Variants in SUPT3H observed in about 807,000 individuals in gnomAD.
The protein encoded by SUPT3H is SPT3 homolog, SAGA and STAGA complex component.
Under a neutral mutation model 44.3 loss-of-function variants are expected in SUPT3H, and 44 were observed. The ratio of observed to expected loss-of-function variants is 0.99; its 90% confidence interval spans 0.78 to 1.28. The LOEUF (loss-of-function observed/expected upper bound fraction) is 1.28. SUPT3H is among the 50% of genes most tolerant of loss of function. SUPT3H has a pLI of 0.00. For missense variants in SUPT3H, 380 were observed against 387.1 expected, an observed-to-expected ratio of 0.98 and a Z score of 0.15; for synonymous variants, 124 against 125.6, an observed-to-expected ratio of 0.99 and a Z score of 0.09.
chr6:44,955,591 C>G (rs1434907791), intron 7 of SUPT3H: 1 of 152,428 alleles, frequency 6.6e-6, no homozygotes, highest in East Asian at 1.9e-4. Flanking sequence ...CAAGAAGAGT[C>G]TGAGCTCAGA....
At chr6:44,883,142 A>G (rs745566127) in intron 10 of SUPT3H, among the ~76,000 whole-genome samples, 36 of 152,202 alleles carry the variant, frequency 2.4e-4, no homozygotes, top group Non-Finnish European at 4.4e-4. Context: ...AAACTCAATC[A>G]TCTCAGCCCA....
At chr6:45,356,576 T>C (rs1391618869) in intron 2 of SUPT3H, among the ~76,000 whole-genome samples, 1 of 152,066 alleles carries the variant, frequency 6.6e-6, no homozygotes, top group Non-Finnish European at 1.5e-5. Context: ...GTTTATTTTT[T>C]TTTTAGTAGA....
intron 2 of SUPT3H, among the ~76,000 whole-genome samples, chr6:45,111,341 T>G (rs1250608008): frequency 6.6e-6 from 1 of 152,148 alleles, no homozygotes; most frequent in Non-Finnish European, 1.5e-5. Flanking sequence ...AAAATGGTAT[T>G]TTTAAAAATA....
At chr6:44,960,347 G>C (rs1775834191) in intron 7 of SUPT3H, among the ~76,000 whole-genome samples, 1 of 148,738 alleles carries the variant, frequency 6.7e-6, no homozygotes, top group South Asian at 2.1e-4. Context: ...GGAGGAGGAG[G>C]AGGAGGAGGC....
chr6:44,856,630 A>T (rs1184233778), intron 10 of SUPT3H, among the ~76,000 whole-genome samples: 9 of 152,148 alleles, frequency 5.9e-5, no homozygotes. Context: ...CTATATTTCA[A>T]ATACTCACAT....
chr6:45,190,089 A>G (rs1164389154), intron 2 of SUPT3H, among the ~76,000 whole-genome samples: 2 of 152,186 alleles, frequency 1.3e-5, no homozygotes, highest in African/African-American at 4.8e-5. Flanking sequence ...CCATTGTCAA[A>G]GACTTCAACT....
chr6:45,213,990 G>A (rs1339593078), intron 2 of SUPT3H, among the ~76,000 whole-genome samples: 1 of 79,850 alleles, frequency 1.3e-5, no homozygotes, highest in African/African-American at 5.1e-5. Context: ...AATAACACTC[G>A]AAAGCCTTTT....
intron 2 of SUPT3H, among the ~76,000 whole-genome samples, chr6:45,179,852 G>A (rs1432182589): frequency 6.6e-6 from 1 of 152,172 alleles, no homozygotes; most frequent in Non-Finnish European, 1.5e-5. Context: ...TCAACATAGT[G>A]ATGGAAGTTC....
chr6:44,855,606 G>A (rs1479229103), intron 10 of SUPT3H, among the ~76,000 whole-genome samples: 1 of 151,970 alleles, frequency 6.6e-6, no homozygotes, highest in African/African-American at 2.4e-5. Context: ...ATACAGCAAA[G>A]ACTACACAAA....
chr6:44,853,497 C>CA (rs964921065), intron 10 of SUPT3H, among the ~76,000 whole-genome samples: 8 of 151,784 alleles, frequency 5.3e-5, no homozygotes, highest in African/African-American at 1.9e-4. Context: ...CCAACTCTAT[C>CA]AAAAATAAAA....
At chr6:44,961,554 T>G (rs2153477694) in intron 7 of SUPT3H, among the ~76,000 whole-genome samples, 199 bp downstream of exon 7, 1 of 152,296 alleles carries the variant, frequency 6.6e-6, no homozygotes, top group Admixed American at 6.5e-5. Flanking sequence ...GACCTCTTAA[T>G]GTTATTAACT....
chr6:45,013,003 T>C (rs970277447), intron 5 of SUPT3H, among the ~76,000 whole-genome samples: 1 of 152,094 alleles, frequency 6.6e-6, no homozygotes, highest in Non-Finnish European at 1.5e-5. Context: ...GATCTCCCTA[T>C]TAAGTTTCTG....
intron 10 of SUPT3H, among the ~76,000 whole-genome samples, chr6:44,869,957 C>G (rs1410362022): frequency 6.6e-6 from 1 of 152,180 alleles, no homozygotes; most frequent in African/African-American, 2.4e-5. Context: ...TCTAAATTTA[C>G]AAAGCAAAAG....
chr6:45,112,499 T>C (rs989445147), intron 2 of SUPT3H, among the ~76,000 whole-genome samples: 1 of 152,056 alleles, frequency 6.6e-6, no homozygotes, highest in Non-Finnish European at 1.5e-5. Context: ...TAACTTTGAG[T>C]CTAAAATACT....
At chr6:44,859,779 G>T (rs1319343836) in intron 10 of SUPT3H, among the ~76,000 whole-genome samples, 1 of 152,070 alleles carries the variant, frequency 6.6e-6, no homozygotes, top group East Asian at 1.9e-4. Flanking sequence ...AATTTTGCTG[G>T]TTATTAAAAC....
intron 2 of SUPT3H, among the ~76,000 whole-genome samples, chr6:45,185,146 G>T (rs1813972589): frequency 6.6e-6 from 1 of 152,110 alleles, no homozygotes; most frequent in African/African-American, 2.4e-5. Flanking sequence ...CAACTGATTA[G>T]TGTCTACAGG....
intron 7 of SUPT3H, among the ~76,000 whole-genome samples, chr6:44,956,480 AAAATAAAAAAAAAAAATAAAAAT>A (rs1195451769): frequency 0.23 from 1,760 of 7,602 alleles, 160 homozygotes; most frequent in East Asian, 0.39. Flanking sequence ...CAAAAAAAAA[AAAATAAAAAAAAAAAATAAAAAT>A]AAAAAAAAAA....
At chr6:45,102,867 A>G (rs1443217415) in intron 3 of SUPT3H, among the ~76,000 whole-genome samples, 2 of 151,908 alleles carry the variant, frequency 1.3e-5, no homozygotes, top group African/African-American at 4.8e-5. Context: ...TGAACCCAGG[A>G]GTTGGAGATT....
At chr6:45,046,777 C>T (rs1789464049) in intron 3 of SUPT3H, among the ~76,000 whole-genome samples, 1 of 152,124 alleles carries the variant, frequency 6.6e-6, no homozygotes, top group Admixed American at 6.5e-5. Context: ...GCCTGCTGGC[C>T]TTTTAATAGA....
Sources: gnomAD v4.1 joint callset for allele counts (sites outside exome capture counted in the v4.1 genomes callset) on GRCh38, gnomAD v4.1.1 for gene constraint, MANE v1.5 for transcripts, NCBI Gene and HGNC (gene_info 2026-07-23, HGNC 2026-07-21) for gene names.